The following DMD variants were observed in gnomAD, a reference collection of about 807,000 sequenced individuals.
The protein encoded by DMD is mutant dystrophin.
DMD carries 63 observed loss-of-function variants against 330.1 expected under a neutral mutation model. That is an observed-to-expected ratio of 0.19 (90% confidence interval 0.16 to 0.24). The LOEUF is 0.24. DMD is among the 10% of genes least tolerant of loss of function. The probability of loss-of-function intolerance (pLI) is 1.00; values close to 1 mark genes in which losing one functional copy is unlikely to be tolerated. For missense variants in DMD, 3,344 were observed against 2,684.1 expected, an observed-to-expected ratio of 1.25 and a Z score of -5.43; for synonymous variants, 1,223 against 959.8, an observed-to-expected ratio of 1.27 and a Z score of -5.07.
chrX:31,514,668 G>T lies in DMD; in HGVS notation c.8218-7215C>A, dbSNP rs1052833435. On this transcript the variant is annotated intron_variant, in intron 55 of 78. Coordinates refer to ENST00000357033, the MANE Select transcript of DMD (RefSeq NM_004006.3). ...TTTGAATAGCGTCTAGAACACAAGAGATCTTTAATAAATAATAGCAAATGC... is the reference window on the plus strand; with the variant it reads ...TTTGAATAGCGTCTAGAACACAAGATATCTTTAATAAATAATAGCAAATGC... Among the ~76,000 whole-genome samples the T allele has an allele frequency of 3.6e-5, 4 of 112,209 alleles. No homozygotes were observed. In the Admixed American group the frequency reaches 3.8e-4, roughly 11 times the overall value.
intron 52 of DMD, among the ~76,000 whole-genome samples, chrX:31,690,900 T>C (rs1007912193): frequency 1.8e-5 from 2 of 110,196 alleles, no homozygotes; most frequent in East Asian, 2.9e-4. Flanking sequence ...TTCTCACTCA[T>C]AGGTGGGAAT....
chrX:32,914,888 G>A (rs2087649110), intron 2 of DMD, among the ~76,000 whole-genome samples: 1 of 111,341 alleles, frequency 9.0e-6, no homozygotes. Context: ...ATAGCCCTAT[G>A]ACATATTTAC....
At chrX:31,627,904 G>A in intron 54 of DMD, 42 bp from the exon 55 acceptor site, 5 of 1,136,509 alleles carry the variant, frequency 4.4e-6, no homozygotes, top group Non-Finnish European at 6.0e-6. Flanking sequence ...TTAAATATCA[G>A]AATGGTGCAC....
chrX:32,762,936 T>C (rs1286951225), intron 7 of DMD, among the ~76,000 whole-genome samples: 4 of 112,053 alleles, frequency 3.6e-5, no homozygotes, highest in South Asian at 3.7e-4. Flanking sequence ...TGGAATATGA[T>C]GGAGTGTCAG....
At chrX:32,928,211 ATT>A (rs887337378) in intron 2 of DMD, among the ~76,000 whole-genome samples, 1 of 110,214 alleles carries the variant, frequency 9.1e-6, no homozygotes, top group Non-Finnish European at 1.9e-5. Flanking sequence ...CTTTGAGGTA[ATT>A]TTTTTCTTTG....
intron 50 of DMD, among the ~76,000 whole-genome samples, chrX:31,803,686 C>T (rs2092173850): frequency 2.3e-5 from 2 of 88,842 alleles, no homozygotes; most frequent in African/African-American, 8.1e-5. Flanking sequence ...TTCTCTCTCT[C>T]TCTCTCTCTC....
intron 63 of DMD, among the ~76,000 whole-genome samples, chrX:31,226,094 T>C (rs1200643180): frequency 8.9e-6 from 1 of 112,027 alleles, no homozygotes; most frequent in East Asian, 2.8e-4. Flanking sequence ...TGAGGAAGAA[T>C]AGCATCAGTA....
chrX:33,046,301 T>C (rs965028022), intron 1 of DMD, among the ~76,000 whole-genome samples: 13 of 111,431 alleles, frequency 1.2e-4, no homozygotes, highest in African/African-American at 3.6e-4. Context: ...TATAGAAAAA[T>C]TAATAAAATA....
At chrX:32,862,839 C>T (rs1012636094) in intron 2 of DMD, among the ~76,000 whole-genome samples, 14 of 110,730 alleles carry the variant, frequency 1.3e-4, no homozygotes, top group Non-Finnish European at 1.9e-4. Flanking sequence ...CAGGTTCAAG[C>T]GATTCTCCTG....
At chrX:32,933,145 T>G (rs901393436) in intron 2 of DMD, among the ~76,000 whole-genome samples, 2 of 98,059 alleles carry the variant, frequency 2.0e-5, no homozygotes, top group East Asian at 6.9e-4. Context: ...AGAATGTATT[T>G]TTAAAAAACA....
intron 41 of DMD, among the ~76,000 whole-genome samples, chrX:32,325,429 G>C (rs2097646200): frequency 9.0e-6 from 1 of 111,591 alleles, no homozygotes; most frequent in Non-Finnish European, 1.9e-5. Flanking sequence ...AGTAGGCATG[G>C]CCCCCTCTAA....
chrX:32,112,817 T>C (rs2146649319), intron 44 of DMD, among the ~76,000 whole-genome samples: 1 of 111,349 alleles, frequency 9.0e-6, no homozygotes, highest in African/African-American at 3.3e-5. Flanking sequence ...TTTAACAACC[T>C]CCTAGGGAAA....
chrX:31,779,166 T>G (rs2090867631), intron 50 of DMD, among the ~76,000 whole-genome samples: 1 of 111,465 alleles, frequency 9.0e-6, no homozygotes, highest in Admixed American at 9.6e-5. Context: ...TTGCTAAGAG[T>G]GCCTGAATCC....
At chrX:31,266,690 G>A in intron 62 of DMD, 1 of 748,793 alleles carries the variant, frequency 1.3e-6, no homozygotes, top group Non-Finnish European at 2.0e-6. Context: ...CAGCCGCCCG[G>A]CGCCCCGGGT....
chrX:32,605,255 A>G (rs950185358), intron 12 of DMD, among the ~76,000 whole-genome samples: 1 of 110,794 alleles, frequency 9.0e-6, no homozygotes, highest in African/African-American at 3.3e-5. Context: ...CCACATATCT[A>G]TGACCAACAC....
In DMD at chrX:32,620,942, T is replaced by A. The variant is rs142838632; in HGVS notation, c.1332-6489A>T. On this transcript the variant is annotated intron_variant, in intron 11 of 78. Coordinates refer to ENST00000357033, the MANE Select transcript of DMD (RefSeq NM_004006.3). ...GAGACTTGAAAAATTCATTCATTAA[T>A]TTACGAAATATACAATTATTGAGTA... Among the ~76,000 whole-genome samples, 3 of 111,615 alleles carry A rather than the reference T, an allele frequency of 2.7e-5. No individual in the cohort carries two copies. In the South Asian group the frequency reaches 1.1e-3, roughly 43 times the overall value.
chrX:32,292,114 G>A (rs957931923), intron 42 of DMD, among the ~76,000 whole-genome samples: 7 of 109,505 alleles, frequency 6.4e-5, no homozygotes, highest in African/African-American at 2.3e-4. Context: ...TACATCAGGT[G>A]CTCTATATAA....
At chrX:31,802,403 G>A (rs970105398) in intron 50 of DMD, among the ~76,000 whole-genome samples, 1 of 111,397 alleles carries the variant, frequency 9.0e-6, no homozygotes, top group African/African-American at 3.3e-5. Flanking sequence ...ATGACATAAA[G>A]CATGTTTTCT....
intron 16 of DMD, among the ~76,000 whole-genome samples, chrX:32,556,638 C>T (rs1044676244): frequency 9.0e-6 from 1 of 111,555 alleles, no homozygotes; most frequent in African/African-American, 3.2e-5. Context: ...CAAACACGAA[C>T]GAGTCAAACT....
Sources: gnomAD v4.1 joint callset for allele counts (sites outside exome capture counted in the v4.1 genomes callset) on GRCh38, gnomAD v4.1.1 for gene constraint, MANE v1.5 for transcripts, NCBI Gene and HGNC (gene_info 2026-07-23, HGNC 2026-07-21) for gene names.